Variants in PEX5L observed in about 807,000 individuals in gnomAD.
PEX5L encodes peroxisomal biogenesis factor 5 like.
In PEX5L, 30 loss-of-function variants were observed where a neutral mutation model predicts 84.0. The observed-to-expected ratio is 0.36, with a 90% CI of 0.27 to 0.48. PEX5L has a LOEUF of 0.48. PEX5L is among the 20% of genes least tolerant of loss of function. The pLI is 0.99. For synonymous variants in PEX5L, 270 were observed against 283.1 expected, an observed-to-expected ratio of 0.95 and a Z score of 0.46; for missense variants, 533 against 754.6, an observed-to-expected ratio of 0.71 and a Z score of 3.44.
chr3:180,017,198 C>T (rs1790020400), intron 1 of PEX5L, among the ~76,000 whole-genome samples: 2 of 152,122 alleles, frequency 1.3e-5, no homozygotes, highest in Admixed American at 1.3e-4. Flanking sequence ...TTATGAATAG[C>T]TTGAAATGGC....
rs1032897945 is a variant in PEX5L, at chr3:180,014,365, C to T, written c.21+22214G>A. 7.2e-5 allele frequency among the ~76,000 whole-genome samples: 11 copies of T among 151,730 alleles called. No homozygotes were observed. In the East Asian group the frequency reaches 9.7e-4, roughly 13 times the overall value. On this transcript the variant is annotated intron_variant, in intron 1 of 14. Transcript: ENST00000467460. ...CGGGCGCCTGGAGTCCCAGCTACTC[C>T]GGAGGCTGAGGCAGGAGAATGGCGT... is the stretch of plus-strand genomic sequence containing the variant.
At chr3:179,842,146 T>G (rs569903362) in intron 8 of PEX5L, among the ~76,000 whole-genome samples, 1 of 152,352 alleles carries the variant, frequency 6.6e-6, no homozygotes, top group East Asian at 1.9e-4. Context: ...ATATTATACA[T>G]GCACCAACTT....
intron 1 of PEX5L, among the ~76,000 whole-genome samples, chr3:179,988,029 A>G (rs1228801044): frequency 1.3e-5 from 2 of 152,110 alleles, no homozygotes; most frequent in African/African-American, 2.4e-5. Flanking sequence ...TGAAGACCAG[A>G]CGATCTTTCA....
chr3:180,030,556 T>A (rs1247398587), intron 1 of PEX5L, among the ~76,000 whole-genome samples: 2 of 152,204 alleles, frequency 1.3e-5, no homozygotes, highest in African/African-American at 4.8e-5. Context: ...ATATCCCCAG[T>A]TCTTTCAATC....
At chr3:179,989,101 G>A (rs531002868) in intron 1 of PEX5L, among the ~76,000 whole-genome samples, 58 of 152,146 alleles carry the variant, frequency 3.8e-4, no homozygotes, top group Non-Finnish European at 6.8e-4. Flanking sequence ...ACAGAAATCC[G>A]TGGTAGGGAT....
At chr3:179,954,382 T>C (rs1779975702) in intron 2 of PEX5L, among the ~76,000 whole-genome samples, 1 of 24,080 alleles carries the variant, frequency 4.2e-5, no homozygotes, top group African/African-American at 1.9e-4. Context: ...ACAGTCTTTA[T>C]TTTCATGTGT....
intron 2 of PEX5L, among the ~76,000 whole-genome samples, chr3:179,936,404 G>C (rs907279896): frequency 6.6e-6 from 1 of 152,082 alleles, no homozygotes; most frequent in African/African-American, 2.4e-5. Flanking sequence ...CCTATCTCTT[G>C]GATTCTTAGA....
intron 2 of PEX5L, among the ~76,000 whole-genome samples, chr3:179,913,638 T>C (rs1173477970): frequency 1.3e-5 from 2 of 152,160 alleles, no homozygotes; most frequent in African/African-American, 2.4e-5. Context: ...GCTTATTTTC[T>C]TAGAGAATAT....
chr3:179,914,887 T>A (rs1191147386), intron 2 of PEX5L, among the ~76,000 whole-genome samples: 1 of 152,180 alleles, frequency 6.6e-6, no homozygotes, highest in Non-Finnish European at 1.5e-5. Flanking sequence ...GAAAATCATA[T>A]TTACTTTAAA....
chr3:179,815,894 T>C lies in PEX5L; in HGVS notation c.1050A>G (p.Glu350=), dbSNP rs901363291. ...CTCCAGGGTCCTGAAGAATTGCTGC[T>C]TCCATGAACAGGATGGTGACTGGCA... is the stretch of plus-strand genomic sequence containing the variant. The part of the protein sequence containing the change: ...GDLPVTILFM[E]AAILQDPGDA... The change falls in exon 10 of 15, where the codon GAA becomes GAG. Residue 350 remains glutamate (E), a synonymous_variant. Transcript: ENST00000467460. The C allele has an allele frequency of 4.3e-6, 7 of 1,614,174 alleles. No homozygotes were observed. Among genetic ancestry groups the C allele is most frequent in the Non-Finnish European group, 5.1e-6 (6 of 1,180,018 alleles).
chr3:179,916,190 A>G (rs911099484), intron 2 of PEX5L, among the ~76,000 whole-genome samples: 1 of 152,194 alleles, frequency 6.6e-6, no homozygotes, highest in Non-Finnish European at 1.5e-5. Context: ...GTCTGAGAAA[A>G]GCACTATTAA....
Position 179,938,838 on chromosome 3 carries a change from G to GGT in PEX5L, c.93+32754_93+32755dup, listed in dbSNP as rs538748927. Among the ~76,000 whole-genome samples, 15 of 152,268 alleles carry GGT rather than the reference G, an allele frequency of 9.9e-5. No homozygotes were observed. In the East Asian group the frequency reaches 2.9e-3, roughly 29 times the overall value. ...GACCTGCAGCTGCTGCTTCCTGCAG[G>GGT]GTGTGAGACCAGTGCTGGATTGTCT... On this transcript the variant is annotated intron_variant, in intron 2 of 14. Transcript: ENST00000467460.
At chr3:179,957,679 T>C (rs1313645650) in intron 2 of PEX5L, among the ~76,000 whole-genome samples, 3 of 152,158 alleles carry the variant, frequency 2.0e-5, no homozygotes, top group Non-Finnish European at 4.4e-5. Flanking sequence ...GTGACAGGCT[T>C]TCTGGTTTTG....
intron 2 of PEX5L, among the ~76,000 whole-genome samples, chr3:179,918,100 G>A (rs1767896237): frequency 6.6e-6 from 1 of 152,202 alleles, no homozygotes; most frequent in Admixed American, 6.5e-5. Flanking sequence ...TTAGAGTGGG[G>A]ACAAAGTCCA....
chr3:179,811,932 T>C, intron 10 of PEX5L, 61 bp from the exon 11 acceptor site: 1 of 1,352,368 alleles, frequency 7.4e-7, no homozygotes, highest in Non-Finnish European at 1.1e-6. Flanking sequence ...TGTGCTTCAG[T>C]TGGTTTGTTG....
chr3:179,974,034 G>C (rs1386852179), intron 1 of PEX5L: 1 of 985,318 alleles, frequency 1.0e-6, no homozygotes, highest in Non-Finnish European at 1.2e-6. Flanking sequence ...TCTAGTGCGA[G>C]CATAATCCTC....
intron 1 of PEX5L, among the ~76,000 whole-genome samples, chr3:179,993,971 A>G (rs1787620870): frequency 1.3e-5 from 2 of 152,224 alleles, no homozygotes; most frequent in Non-Finnish European, 2.9e-5. Context: ...TGCAGAACCC[A>G]TGGATACCAA....
At chr3:179,811,597 T>C (rs934655216) in intron 11 of PEX5L, among the ~76,000 whole-genome samples, 1 of 152,216 alleles carries the variant, frequency 6.6e-6, no homozygotes, top group African/African-American at 2.4e-5. Context: ...CATTGATTTG[T>C]AGATAGTAAG....
chr3:179,863,830 T>A (rs1747141822), intron 7 of PEX5L, among the ~76,000 whole-genome samples: 1 of 152,162 alleles, frequency 6.6e-6, no homozygotes, highest in Non-Finnish European at 1.5e-5. Flanking sequence ...CTACTGGGTA[T>A]ATATCTGATA....
Sources: gnomAD v4.1 joint callset for allele counts (sites outside exome capture counted in the v4.1 genomes callset) on GRCh38, gnomAD v4.1.1 for gene constraint, MANE v1.5 for transcripts, NCBI Gene and HGNC (gene_info 2026-07-23, HGNC 2026-07-21) for gene names.